Variants in ATP10D observed in about 807,000 individuals in gnomAD.
ATP10D encodes the protein ATPase phospholipid transporting 10D (putative).
Under a neutral mutation model 144.8 loss-of-function variants are expected in ATP10D, and 89 were observed. That is an observed-to-expected ratio of 0.61 (90% CI 0.52 to 0.73). The LOEUF (loss-of-function observed/expected upper bound fraction) is 0.73, where lower values mean the gene tolerates loss of function less well. Ranked by LOEUF, ATP10D falls within the 30% of genes least tolerant of loss-of-function variation. ATP10D has a pLI of 0.00. For synonymous variants in ATP10D, 571 were observed against 615.1 expected (o/e 0.93, Z 1.06); for missense variants, 1,603 against 1,714.8 (o/e 0.93, Z 1.15).
At chr4:47,569,203 C>G in intron 16 of ATP10D, 57 bp downstream of exon 16, 2 of 1,544,680 alleles carry the variant, frequency 1.3e-6, no homozygotes, top group East Asian at 2.3e-5. Context: ...CACCAGACAC[C>G]GATCCTTCTG....
At chr4:47,542,349 G>A (rs572498627) in intron 9 of ATP10D, among the ~76,000 whole-genome samples, 17 of 152,002 alleles carry the variant, frequency 1.1e-4, no homozygotes, top group East Asian at 5.8e-4. Flanking sequence ...TGCCAGCCTC[G>A]GCCTCCCAAA....
intron 1 of ATP10D, among the ~76,000 whole-genome samples, chr4:47,495,360 CT>C (rs1715297223): frequency 6.6e-6 from 1 of 152,092 alleles, no homozygotes; most frequent in African/African-American, 2.4e-5. Context: ...GAATGCACCT[CT>C]TTTCCACATC....
At chr4:47,546,018 G>A (rs1377391127) in intron 9 of ATP10D, among the ~76,000 whole-genome samples, 1 of 152,218 alleles carries the variant, frequency 6.6e-6, no homozygotes, top group African/African-American at 2.4e-5. Flanking sequence ...AACAGTCATT[G>A]AAGTAGGAGG....
intron 22 of ATP10D, among the ~76,000 whole-genome samples, chr4:47,588,324 C>T (rs1304428060): frequency 6.6e-6 from 1 of 152,160 alleles, no homozygotes; most frequent in East Asian, 1.9e-4. Context: ...AATAGTTGTT[C>T]TGCTTTTTTA....
Position 47,574,272 on chromosome 4 carries a change from G to C in ATP10D, c.3366+1275G>C, listed in dbSNP as rs1007487631. Among the ~76,000 whole-genome samples, 5 of 152,338 alleles carry C rather than the reference G, an allele frequency of 3.3e-5. 2 individuals carry two copies. On this transcript the variant is annotated intron_variant, in intron 18 of 22. Coordinates refer to ENST00000273859, the MANE Select transcript of ATP10D (RefSeq NM_020453.4). The stretch of plus-strand genomic sequence containing the variant: ...ACACTCTCGAAGAGAGGGAGTGTTG[G>C]TTAGTAGACAGAATCAGGACCTCGG...
intron 5 of ATP10D, among the ~76,000 whole-genome samples, chr4:47,530,579 C>T (rs1717516053): frequency 6.6e-6 from 1 of 152,090 alleles, no homozygotes; most frequent in Non-Finnish European, 1.5e-5. Context: ...CCTCAGCCTC[C>T]TGAGTAGCTG....
chr4:47,507,964 A>G (rs1482337421), intron 1 of ATP10D, among the ~76,000 whole-genome samples: 2 of 152,194 alleles, frequency 1.3e-5, no homozygotes, highest in Non-Finnish European at 2.9e-5. Context: ...TGCAAAGTGT[A>G]CACTATGCTT....
intron 22 of ATP10D, among the ~76,000 whole-genome samples, chr4:47,588,356 G>A (rs544592244): frequency 2.3e-4 from 35 of 152,238 alleles, no homozygotes; most frequent in Admixed American, 2.2e-3. Context: ...GACTCATAAT[G>A]GTAAGTTCAT....
chr4:47,588,889 A>G (rs577299739), intron 22 of ATP10D, among the ~76,000 whole-genome samples: 5 of 152,322 alleles, frequency 3.3e-5, no homozygotes, highest in Non-Finnish European at 5.9e-5. Flanking sequence ...TATGCTAAAA[A>G]ATGACTCCCT....
intron 10 of ATP10D, among the ~76,000 whole-genome samples, chr4:47,551,415 A>T (rs2109440830): frequency 6.6e-6 from 1 of 152,338 alleles, no homozygotes; most frequent in African/African-American, 2.4e-5. Context: ...CTCTCTTGTG[A>T]AGTAAAAATT....
At chr4:47,567,582 T>A (rs1345611170) in intron 15 of ATP10D, among the ~76,000 whole-genome samples, 1 of 152,238 alleles carries the variant, frequency 6.6e-6, no homozygotes, top group Admixed American at 6.5e-5. Flanking sequence ...CGAGGCATGT[T>A]ACTTTCTAAA....
Position 47,591,438 on chromosome 4 carries a change from G to C in ATP10D, c.*57G>C, listed in dbSNP as rs1721044379. The stretch of plus-strand genomic sequence containing the variant: ...AAGGTTGGAAGAGGGATTTTGAAGA[G>C]GTATCTCTCCAAGCAAGAATGACTT... On this transcript the variant is annotated 3_prime_UTR_variant, in exon 23 of 23. Transcript: ENST00000273859. 7.1e-7 allele frequency: 1 copy of C among 1,417,606 alleles called. No homozygotes were observed. Among genetic ancestry groups the C allele is most frequent in the Non-Finnish European group, 9.6e-7 (1 of 1,044,182 alleles). The allele number at this position is 1,417,606 out of a possible 1,614,324, so 87.8% of individuals were successfully genotyped here.
chr4:47,508,170 A>G (rs1007935338), intron 1 of ATP10D, among the ~76,000 whole-genome samples: 1 of 152,114 alleles, frequency 6.6e-6, no homozygotes, highest in Non-Finnish European at 1.5e-5. Flanking sequence ...CATTGTTGGG[A>G]TGAGTTTTGG....
intron 22 of ATP10D, among the ~76,000 whole-genome samples, chr4:47,587,634 A>C (rs1720852966): frequency 6.6e-6 from 1 of 152,172 alleles, no homozygotes; most frequent in South Asian, 2.1e-4. Flanking sequence ...AAGCCACCAG[A>C]AGATTTGACG....
intron 11 of ATP10D, chr4:47,557,145 G>A (rs1394208575): frequency 2.6e-5 from 4 of 151,700 alleles, no homozygotes; most frequent in African/African-American, 7.3e-5. Context: ...GACTTTATAA[G>A]CTTCATTTTT....
At chr4:47,570,284 A>G (rs1171682096) in intron 16 of ATP10D, among the ~76,000 whole-genome samples, 2 of 152,158 alleles carry the variant, frequency 1.3e-5, no homozygotes, top group Non-Finnish European at 1.5e-5. Context: ...ATATGAGAGA[A>G]AGAGTTGTCA....
chr4:47,590,979 G>T (rs546890641), intron 22 of ATP10D, 63 bp from the exon 23 acceptor site: 32 of 1,160,648 alleles, frequency 2.8e-5, no homozygotes, highest in Middle Eastern at 3.0e-4. Flanking sequence ...TAGTATTTGG[G>T]GGGGGGGGTT....
intron 9 of ATP10D, among the ~76,000 whole-genome samples, chr4:47,543,393 A>G (rs1428354925): frequency 6.6e-6 from 1 of 152,218 alleles, no homozygotes; most frequent in African/African-American, 2.4e-5. Flanking sequence ...TCAAGGATTT[A>G]TCAGTCTCAG....
intron 1 of ATP10D, among the ~76,000 whole-genome samples, chr4:47,491,920 A>G (rs1275141876): frequency 1.3e-5 from 2 of 152,146 alleles, no homozygotes; most frequent in Non-Finnish European, 2.9e-5. Flanking sequence ...TTTTTATTGA[A>G]CTAAATACTT....
Sources: gnomAD v4.1 joint callset for allele counts (sites outside exome capture counted in the v4.1 genomes callset) on GRCh38, gnomAD v4.1.1 for gene constraint, MANE v1.5 for transcripts, NCBI Gene and HGNC (gene_info 2026-07-23, HGNC 2026-07-21) for gene names.